Variants in SOS2 observed in about 807,000 individuals in gnomAD.
SOS2 encodes son of sevenless homolog 2.
SOS2 carries 65 observed loss-of-function variants against 148.2 expected under a neutral mutation model. That is an observed-to-expected ratio of 0.44 (90% CI 0.36 to 0.54). The LOEUF is 0.54. Ranked by LOEUF, SOS2 falls within the 20% of genes least tolerant of loss-of-function variation. The pLI, the probability that SOS2 is intolerant of heterozygous loss-of-function variation, is 0.00. For missense variants in SOS2, 1,341 were observed against 1,590.2 expected (o/e 0.84, Z 2.67); for synonymous variants, 539 against 537.1 (o/e 1.00, Z -0.05).
chr14:50,191,894 T>C (rs1330769567), intron 4 of SOS2, among the ~76,000 whole-genome samples: 1 of 152,038 alleles, frequency 6.6e-6, no homozygotes, highest in Non-Finnish European at 1.5e-5. Flanking sequence ...AGAGACCCTA[T>C]TCACTAGAAG....
intron 16 of SOS2, among the ~76,000 whole-genome samples, chr14:50,142,374 G>A (rs1264136717): frequency 6.6e-6 from 1 of 151,956 alleles, no homozygotes; most frequent in Non-Finnish European, 1.5e-5. Context: ...TCAATAAAAT[G>A]CAAACACCCA....
chr14:50,227,436 A>T (rs1223318380), intron 1 of SOS2, among the ~76,000 whole-genome samples: 2 of 148,954 alleles, frequency 1.3e-5, no homozygotes, highest in East Asian at 2.0e-4. Context: ...TTTTTGAGAC[A>T]GAGTCTTACT....
chr14:50,149,288 T>C (rs1345975072), intron 14 of SOS2, among the ~76,000 whole-genome samples: 1 of 152,166 alleles, frequency 6.6e-6, no homozygotes, highest in Non-Finnish European at 1.5e-5. Context: ...AAATGTGGTA[T>C]ATATACACAG....
At position 50,159,809 on chromosome 14, in the gene SOS2, ATTTTTCTTTTAACCTG is replaced by A; in HGVS notation, c.1458_1473del (p.Arg487LeufsTer3). 1 of 1,613,932 alleles carries A rather than the reference ATTTTTCTTTTAACCTG, an allele frequency of 6.2e-7. No homozygotes were observed. The highest frequency in any genetic ancestry group is 8.5e-7 in the Non-Finnish European group (1 of 1,179,986). The stretch of plus-strand genomic sequence containing the variant: ...CAAATTTGTATTTTCCTCATGACAA[ATTTTTCTTTTAACCTG>A]TATTCTGCACTACTGTAACCTGGAA... On this transcript the variant is annotated frameshift_variant, in exon 10 of 23. Coordinates refer to ENST00000216373, the MANE Select transcript of SOS2 (RefSeq NM_006939.4). LOFTEE classifies it high-confidence loss of function.
At chr14:50,133,242 CTTTTTTCTTT>C (rs1427595755) in intron 19 of SOS2, among the ~76,000 whole-genome samples, 3 of 78,816 alleles carry the variant, frequency 3.8e-5, no homozygotes, top group East Asian at 4.6e-4. Flanking sequence ...TTTCTTTTTT[CTTTTTTCTTT>C]TTTTTTTTTT....
intron 21 of SOS2, among the ~76,000 whole-genome samples, chr14:50,123,110 G>A (rs181445411): frequency 6.6e-6 from 1 of 152,308 alleles, no homozygotes; most frequent in Admixed American, 6.5e-5. Context: ...TAAATAGGGT[G>A]ATTAGGGAAG....
intron 4 of SOS2, among the ~76,000 whole-genome samples, chr14:50,191,974 G>C (rs1447965061): frequency 4.6e-5 from 7 of 151,264 alleles, no homozygotes; most frequent in Non-Finnish European, 7.4e-5. Flanking sequence ...AACAAAGAGA[G>C]ACCCAGTTTC....
chr14:50,169,461 C>A (rs2139661744), intron 8 of SOS2, among the ~76,000 whole-genome samples: 1 of 152,128 alleles, frequency 6.6e-6, no homozygotes, highest in South Asian at 2.1e-4. Context: ...CATGGTGAAA[C>A]CCCATCTCTA....
chr14:50,125,330 C>A (rs1446392822), intron 21 of SOS2, among the ~76,000 whole-genome samples: 1 of 152,190 alleles, frequency 6.6e-6, no homozygotes, highest in Non-Finnish European at 1.5e-5. Flanking sequence ...CTCCAAGTTT[C>A]AGAGTAAACA....
At chr14:50,206,745 A>T (rs1886670023) in intron 1 of SOS2, among the ~76,000 whole-genome samples, 1 of 145,722 alleles carries the variant, frequency 6.9e-6, no homozygotes, top group African/African-American at 2.6e-5. Flanking sequence ...ATTTTTTAAA[A>T]GGTTTTTAAA....
At chr14:50,219,282 T>C (rs1027706025) in intron 1 of SOS2, among the ~76,000 whole-genome samples, 10 of 151,940 alleles carry the variant, frequency 6.6e-5, no homozygotes, top group African/African-American at 2.4e-4. Context: ...TAAATGTACA[T>C]AAATAAGTGA....
chr14:50,220,378 C>G (rs1396281729), intron 1 of SOS2, among the ~76,000 whole-genome samples: 4 of 108,826 alleles, frequency 3.7e-5, no homozygotes, highest in Non-Finnish European at 6.8e-5. Context: ...TGCACTCCAG[C>G]CTGGGCGACA....
chr14:50,118,555 G>C lies in SOS2; in HGVS notation c.3788C>G (p.Pro1263Arg), dbSNP rs569343105. ...STCPNSPSTP[P>R]STPSPRVPRR... ...CGGTACCCTTGGAGAGGGTGTGCTA[G>C]GAGGAGTGCTTGGCGAATTTGGACA... The change falls in exon 23 of 23, where the codon CCT (proline) becomes CGT (arginine). Residue 1263 changes from proline to arginine, a missense_variant. Coordinates refer to ENST00000216373, the MANE Select transcript of SOS2 (RefSeq NM_006939.4). The C allele has an allele frequency of 1.5e-5, 25 of 1,614,146 alleles. 1 individual carries two copies. Among genetic ancestry groups the C allele is most frequent in the South Asian group, 3.3e-5 (3 of 91,082 alleles).
At chr14:50,144,989 T>C (rs1026231234) in intron 16 of SOS2, among the ~76,000 whole-genome samples, 181 bp downstream of exon 16, 17 of 151,992 alleles carry the variant, frequency 1.1e-4, no homozygotes, top group Admixed American at 7.9e-4. Flanking sequence ...TCACATATTA[T>C]ATATCATATT....
chr14:50,147,456 G>A (rs1252872365), intron 14 of SOS2, among the ~76,000 whole-genome samples: 1 of 147,454 alleles, frequency 6.8e-6, no homozygotes, highest in Admixed American at 6.8e-5. Flanking sequence ...AGGCTACAGT[G>A]AGCTATGATT....
chr14:50,145,004 T>C (rs1476223114), intron 16 of SOS2, among the ~76,000 whole-genome samples, 166 bp downstream of exon 16: 1 of 151,960 alleles, frequency 6.6e-6, no homozygotes, highest in Non-Finnish European at 1.5e-5. Context: ...CATATTCATA[T>C]ATTAACTAAT....
intron 4 of SOS2, among the ~76,000 whole-genome samples, chr14:50,198,437 T>C (rs940400027): frequency 3.3e-5 from 5 of 152,182 alleles, no homozygotes; most frequent in Admixed American, 1.3e-4. Context: ...TGAAAAGTCA[T>C]TTCTGAAATT....
intron 1 of SOS2, among the ~76,000 whole-genome samples, chr14:50,213,672 C>A (rs1385429981): frequency 6.6e-6 from 1 of 150,574 alleles, no homozygotes; most frequent in African/African-American, 2.4e-5. Flanking sequence ...CCCTGTCCCC[C>A]CCACCCCAAA....
At position 50,204,239 on chromosome 14, in the gene SOS2, A is replaced by G. The variant is rs753751907; in HGVS notation, c.213+45T>C. 1.1e-5 allele frequency: 14 copies of G among 1,245,218 alleles called. No individual in the cohort carries two copies. In the Admixed American group the frequency reaches 3.5e-4, roughly 31 times the overall value. 77.1% of individuals were successfully genotyped at this position (1,245,218 alleles called of 1,614,324 possible). On this transcript the variant is annotated intron_variant, in intron 2 of 22. Coordinates refer to ENST00000216373, the MANE Select transcript of SOS2 (RefSeq NM_006939.4). ...ATGATATAGATACAAAAATTAATTC[A>G]TACAGTGGTTGAGTGACTTTTTGAA...
Sources: gnomAD v4.1 joint callset for allele counts (sites outside exome capture counted in the v4.1 genomes callset) on GRCh38, gnomAD v4.1.1 for gene constraint, MANE v1.5 for transcripts, NCBI Gene and HGNC (gene_info 2026-07-23, HGNC 2026-07-21) for gene names.